NSD2: variants seen among roughly 807,000 people sequenced by gnomAD.
NSD2 encodes nuclear receptor binding SET domain protein 2, also known as histone-lysine N-methyltransferase NSD2.
A neutral mutation model predicts 139.0 loss-of-function variants in NSD2; 12 were observed. That is an observed-to-expected ratio of 0.09 (90% CI 0.06 to 0.14). The LOEUF (loss-of-function observed/expected upper bound fraction) is 0.14, where lower values mean the gene tolerates loss of function less well. Ranked by LOEUF, NSD2 falls within the 10% of genes least tolerant of loss-of-function variation. The probability of loss-of-function intolerance (pLI) is 1.00; values close to 1 mark genes in which losing one functional copy is unlikely to be tolerated. For missense variants in NSD2, 1,155 were observed against 1,745.0 expected (o/e 0.66, Z 6.02); for synonymous variants, 669 against 648.7 (o/e 1.03, Z -0.48).
At position 1,980,139 on chromosome 4, in the gene NSD2, G is replaced by C. The variant is rs1041750848; in HGVS notation, c.*1230G>C. 5.1e-5 allele frequency: 12 copies of C among 233,320 alleles called. No homozygotes were observed. Among genetic ancestry groups the C allele is most frequent in the African/African-American group, 2.4e-4 (11 of 45,370 alleles). 14.5% of individuals were successfully genotyped at this position (233,320 alleles called of 1,614,324 possible). A position where few individuals can be genotyped will look rare whatever the true frequency, so the allele number is the denominator to read the frequency against. ...TGGCAGGTGTGCGTGCCTCGTACGTGTGTTATGGGCACTGGTCTAGGCCAG... is the reference window on the plus strand; with the variant it reads ...TGGCAGGTGTGCGTGCCTCGTACGTCTGTTATGGGCACTGGTCTAGGCCAG... On this transcript the variant is annotated 3_prime_UTR_variant, in exon 22 of 22. Coordinates refer to ENST00000508803, the MANE Select transcript of NSD2 (RefSeq NM_001042424.3).
intron 1 of NSD2, among the ~76,000 whole-genome samples, chr4:1,872,585 TGTGTGTGAGAGAGAGAGAGAGAGA>T (rs1307571626): frequency 1.8e-4 from 10 of 56,526 alleles, no homozygotes; most frequent in African/African-American, 5.6e-4. Flanking sequence ...TGTGTGTGTG[TGTGTGTGAGAGAGAGAGAGAGAGA>T]GAGAGAGAGA....
Position 1,979,950 on chromosome 4 carries a change from C to T in NSD2, c.*1041C>T, listed in dbSNP as rs1000328916. The T allele has an allele frequency of 1.2e-4, 27 of 232,424 alleles. No homozygotes were observed. In the Admixed American group the frequency reaches 1.4e-3, roughly 12 times the overall value. 14.4% of individuals were successfully genotyped at this position (232,424 alleles called of 1,614,324 possible). ...GCTGCAGGCCCCGGGGACCCCAGCA[C>T]GTGGGTCTAAAGAGAGACGGAGTCT... On this transcript the variant is annotated 3_prime_UTR_variant, in exon 22 of 22. Transcript: ENST00000508803.
In NSD2 at chr4:1,973,042, C is replaced by T. The variant is rs1006012203; in HGVS notation, c.3373-1821C>T. Reference sequence around the variant, plus strand: ...TAATTTTTTGTATTTTTATTAGAGACAGTTTCACCATGTTGGCCAGGCTGG... The same window carrying T: ...TAATTTTTTGTATTTTTATTAGAGATAGTTTCACCATGTTGGCCAGGCTGG... On this transcript the variant is annotated intron_variant, in intron 18 of 21. Transcript: ENST00000508803. The surrounding 1 kb of genome is among the most constrained non-coding windows in gnomAD (Gnocchi z 5.5). Among the ~76,000 whole-genome samples, 1 of 152,114 alleles carries T rather than the reference C, an allele frequency of 6.6e-6. No homozygotes were observed. The highest frequency in any genetic ancestry group is 6.5e-5 in the Admixed American group (1 of 15,268).
chr4:1,917,456 A>G (rs949482862), intron 4 of NSD2, among the ~76,000 whole-genome samples: 1 of 152,102 alleles, frequency 6.6e-6, no homozygotes, highest in African/African-American at 2.4e-5. Flanking sequence ...TTTTTTTGAG[A>G]TGGAGTTTCA....
intron 5 of NSD2, among the ~76,000 whole-genome samples, chr4:1,923,661 ATC>A (rs1489357608): frequency 6.6e-6 from 1 of 152,198 alleles, no homozygotes; most frequent in Non-Finnish European, 1.5e-5. Flanking sequence ...ATTTGGCAAG[ATC>A]TAGTGAAATT....
chr4:1,900,022 G>C (rs1417117476), intron 1 of NSD2, among the ~76,000 whole-genome samples: 1 of 152,142 alleles, frequency 6.6e-6, no homozygotes, highest in African/African-American at 2.4e-5. Context: ...TTGGCTTTTT[G>C]CTTCTTATTT....
chr4:1,876,682 C>T (rs962129886), intron 1 of NSD2, among the ~76,000 whole-genome samples: 3 of 151,830 alleles, frequency 2.0e-5, no homozygotes, highest in African/African-American at 7.3e-5. Flanking sequence ...TAGCACAACC[C>T]TCTCTCAAAA....
intron 5 of NSD2, among the ~76,000 whole-genome samples, chr4:1,922,200 C>T (rs775874420): frequency 2.0e-5 from 3 of 152,196 alleles, no homozygotes; most frequent in Non-Finnish European, 4.4e-5. Flanking sequence ...TCATTGTTTG[C>T]AGAAGTCTAT....
At chr4:1,890,896 C>CT (rs1715480480) in intron 1 of NSD2, among the ~76,000 whole-genome samples, 1 of 151,300 alleles carries the variant, frequency 6.6e-6, no homozygotes. Flanking sequence ...CACGCCCGGC[C>CT]TTTTTTTTCT....
chr4:1,967,542 C>T (rs1560790452), intron 18 of NSD2, among the ~76,000 whole-genome samples: 2 of 151,586 alleles, frequency 1.3e-5, no homozygotes, highest in Admixed American at 6.6e-5. Flanking sequence ...CATGCTGTTG[C>T]ACTCCAGCCC....
At chr4:1,876,677 C>G (rs1425711805) in intron 1 of NSD2, among the ~76,000 whole-genome samples, 3 of 152,076 alleles carry the variant, frequency 2.0e-5, no homozygotes, top group Non-Finnish European at 4.4e-5. Context: ...GGAGATAGCA[C>G]AACCCTCTCT....
chr4:1,908,930 G>A (rs2108773251), intron 3 of NSD2, among the ~76,000 whole-genome samples: 1 of 152,158 alleles, frequency 6.6e-6, no homozygotes, highest in Non-Finnish European at 1.5e-5. Context: ...TTACAAGTGT[G>A]AGCCACCATA....
At chr4:1,954,242 C>A (rs1453297003) in intron 12 of NSD2, among the ~76,000 whole-genome samples, 1 of 152,120 alleles carries the variant, frequency 6.6e-6, no homozygotes, top group African/African-American at 2.4e-5. Context: ...GCCTCAGCCT[C>A]CCAAAGTGCT....
Position 1,973,437 on chromosome 4 carries a change from G to A in NSD2, c.3373-1426G>A, listed in dbSNP as rs948226115. ...CTGCAGAAGTGGTGTGCATGCCAAC[G>A]TGCACATCAGCACCGCGGCTCAGCG... On this transcript the variant is annotated intron_variant, in intron 18 of 21. Coordinates refer to ENST00000508803, the MANE Select transcript of NSD2 (RefSeq NM_001042424.3). The surrounding 1 kb of genome is among the most constrained non-coding windows in gnomAD (Gnocchi z 5.5). 2.6e-5 allele frequency among the ~76,000 whole-genome samples: 4 copies of A among 152,258 alleles called. No individual in the cohort carries two copies. The highest frequency in any genetic ancestry group is 1.9e-4 in the East Asian group (1 of 5,202).
At chr4:1,944,838 A>G (rs1215537275) in intron 9 of NSD2, 3 of 1,063,400 alleles carry the variant, frequency 2.8e-6, no homozygotes, top group Non-Finnish European at 3.4e-6. Context: ...TTTTCAGCAT[A>G]CTGACTCCAG....
intron 12 of NSD2, among the ~76,000 whole-genome samples, chr4:1,954,888 T>G (rs1201065916): frequency 6.6e-6 from 1 of 152,168 alleles, no homozygotes; most frequent in Non-Finnish European, 1.5e-5. Context: ...GGGATGCTGC[T>G]CCACACTGCA....
chr4:1,925,883 C>G (rs1371244348), intron 5 of NSD2, among the ~76,000 whole-genome samples: 1 of 151,896 alleles, frequency 6.6e-6, no homozygotes, highest in African/African-American at 2.4e-5. Context: ...CTTGCCACAG[C>G]CTTGACCTCC....
At chr4:1,935,553 A>G (rs753134332) in intron 7 of NSD2, among the ~76,000 whole-genome samples, 1 of 152,162 alleles carries the variant, frequency 6.6e-6, no homozygotes, top group Non-Finnish European at 1.5e-5. Flanking sequence ...GATTGGACAA[A>G]ATTGTCACTA....
chr4:1,948,167 G>A lies in NSD2; in HGVS notation c.1882-2905G>A. 1 of 1,063,102 alleles carries A rather than the reference G, an allele frequency of 9.4e-7. No individual in the cohort carries two copies. The highest frequency in any genetic ancestry group is 1.1e-6 in the Non-Finnish European group (1 of 877,632). The allele number at this position is 1,063,102 out of a possible 1,614,324, so 65.9% of individuals were successfully genotyped here. A position where few individuals can be genotyped will look rare whatever the true frequency, so the allele number is the denominator to read the frequency against. On this transcript the variant is annotated intron_variant, in intron 9 of 21. Transcript: ENST00000508803. The surrounding 1 kb of genome is among the most constrained non-coding windows in gnomAD (Gnocchi z 4.5). ...TTCAGACTGAAGAAAACTTTGAAAA[G>A]TCAGGAGCTAAGCTGCTCGGAGCTC...
Sources: allele counts gnomAD v4.1 joint callset (sites outside exome capture counted in the v4.1 genomes callset), GRCh38; gene constraint gnomAD v4.1.1; non-coding constraint Gnocchi (gnomAD v3.1); transcripts MANE v1.5; gene names NCBI Gene and HGNC (gene_info 2026-07-23, HGNC 2026-07-21).